Variants in POLRMT observed in about 807,000 individuals in gnomAD.
The protein encoded by POLRMT is DNA-directed RNA polymerase, mitochondrial.
Under a neutral mutation model 132.2 loss-of-function variants are expected in POLRMT, and 114 were observed. The observed-to-expected ratio is 0.86, with a 90% CI of 0.74 to 1.01. The LOEUF is 1.01. Ranked by LOEUF, POLRMT falls within the 50% of genes least tolerant of loss-of-function variation. POLRMT has a pLI of 0.00. For missense variants in POLRMT, 2,003 were observed against 1,729.1 expected (o/e 1.16, Z -2.81); for synonymous variants, 1,020 against 773.4 (o/e 1.32, Z -5.29).
chr19:626,898 C>CACACATATATATATAT (rs371959370), intron 3 of POLRMT, among the ~76,000 whole-genome samples: 3 of 146,702 alleles, frequency 2.0e-5, no homozygotes, highest in African/African-American at 7.6e-5. Context: ...CACACACACA[C>CACACATATATATATAT]ATATATATAT....
intron 13 of POLRMT, 44 bp from the exon 14 acceptor site, chr19:619,340 C>G: frequency 1.9e-6 from 3 of 1,576,328 alleles, no homozygotes; most frequent in Non-Finnish European, 2.6e-6. Context: ...GGGGCTGGCC[C>G]GTTCACGCCC....
chr19:629,437 G>A, intron 3 of POLRMT, 103 bp downstream of exon 3: 3 of 1,152,744 alleles, frequency 2.6e-6, no homozygotes, highest in South Asian at 2.7e-5. Flanking sequence ...AAAAAACAAA[G>A]GACTTGAACC....
At position 622,924 on chromosome 19, in the gene POLRMT, T is replaced by G; in HGVS notation, c.1352A>C (p.Glu451Ala). ...WEKALCRALR[E>A]TKNRLEREVY... ...CTCGCGCTCTAGGCGGTTCTTGGTC[T>G]CCCGCAGCGCCCGGCACAGTGCTTT... is the stretch of plus-strand genomic sequence containing the variant. Residue 451 changes from glutamate to alanine, a missense_variant, in exon 7 of 21, where the codon GAG becomes GCG. Coordinates refer to ENST00000588649, the MANE Select transcript of POLRMT (RefSeq NM_005035.4). 6.2e-7 allele frequency: 1 copy of G among 1,612,888 alleles called. No homozygotes were observed. Among genetic ancestry groups the G allele is most frequent in the Non-Finnish European group, 8.5e-7 (1 of 1,179,894 alleles).
chr19:618,668 A>G (rs949253594), intron 16 of POLRMT, 37 bp downstream of exon 16: 1 of 1,603,224 alleles, frequency 6.2e-7, no homozygotes, highest in Non-Finnish European at 8.5e-7. Flanking sequence ...TGCTCTCCAG[A>G]CCCCCGGCCA....
chr19:630,699 G>GCTGCCAC (rs1985351101), intron 2 of POLRMT, among the ~76,000 whole-genome samples: 2 of 152,010 alleles, frequency 1.3e-5, no homozygotes, highest in Non-Finnish European at 2.9e-5. Flanking sequence ...CCAGCTGGTG[G>GCTGCCAC]AGCTGCCACA....
At position 618,795 on chromosome 19, in the gene POLRMT, A is replaced by G. The variant is rs542932481; in HGVS notation, c.3268-35T>C. 2.1e-5 allele frequency: 33 copies of G among 1,567,226 alleles called. No individual in the cohort carries two copies. In the African/African-American group the frequency reaches 3.7e-4, roughly 17 times the overall value. ...GGAAGGGGCCGGTGAGTCCCACCCG[A>G]GGCCCAGCACGGTGGTGGTACATTG... On this transcript the variant is annotated intron_variant, in intron 15 of 20. Transcript: ENST00000588649.
chr19:620,459 T>TC lies in POLRMT; in HGVS notation c.2668dup (p.Glu890GlyfsTer79). The TC allele has an allele frequency of 6.2e-7, 1 of 1,600,076 alleles. No individual in the cohort carries two copies. Among genetic ancestry groups the TC allele is most frequent in the Non-Finnish European group, 8.5e-7 (1 of 1,173,140 alleles). On this transcript the variant is annotated frameshift_variant, in exon 11 of 21. Transcript: ENST00000588649. LOFTEE classifies it high-confidence loss of function. The stretch of plus-strand genomic sequence containing the variant: ...ACAGCAGGCCAGCGTCTGCCAGGGT[T>TC]CCTCCGCGCCCATCCACCACTTTCG...
chr19:631,039 G>T (rs958625413), intron 2 of POLRMT, among the ~76,000 whole-genome samples: 1 of 151,954 alleles, frequency 6.6e-6, no homozygotes, highest in Non-Finnish European at 1.5e-5. Context: ...TGTGTCTATA[G>T]TACCAGCTAC....
rs757788612 is a variant in POLRMT at position 617,226 on chromosome 19, G to A, written c.*48C>T. 7 of 1,601,564 alleles carry A rather than the reference G, an allele frequency of 4.4e-6. No homozygotes were observed. Among genetic ancestry groups the A allele is most frequent in the African/African-American group, 2.7e-5 (2 of 74,840 alleles). On this transcript the variant is annotated 3_prime_UTR_variant, in exon 21 of 21. Coordinates refer to ENST00000588649, the MANE Select transcript of POLRMT (RefSeq NM_005035.4). ...CCCTTCCTGAAGACAGTGGCTCCTG[G>A]GGGTGGCAAAAGAGCTTTATTTACA... is the stretch of plus-strand genomic sequence containing the variant.
rs1327164381 is a variant in POLRMT at position 633,528 on chromosome 19, A to T, written c.-16T>A. ...GTGCCGACATTACGCACGCCGCTCC[A>T]GGCCACCCCACCGGCCCGCGCCTGC... On this transcript the variant is annotated 5_prime_UTR_variant, in exon 1 of 21. Coordinates refer to ENST00000588649, the MANE Select transcript of POLRMT (RefSeq NM_005035.4). 7 of 707,504 alleles carry T rather than the reference A, an allele frequency of 9.9e-6. No homozygotes were observed. In the Admixed American group the frequency reaches 1.1e-4, roughly 11 times the overall value. 43.8% of individuals were successfully genotyped at this position (707,504 alleles called of 1,614,324 possible).
Position 632,996 on chromosome 19 carries a change from A to G in POLRMT, c.89-58T>C, listed in dbSNP as rs1051839106. ...CGGGCGTGTGGGCGGGGGCCTCCAT[A>G]AAGGCAGAAGCCGAAGGGTCGAAGG... On this transcript the variant is annotated intron_variant, in intron 1 of 20. Coordinates refer to ENST00000588649, the MANE Select transcript of POLRMT (RefSeq NM_005035.4). The G allele has an allele frequency of 2.3e-6, 3 of 1,277,706 alleles. No individual in the cohort carries two copies. The South Asian group carries it at 4.5e-5, about 19-fold the overall frequency. 79.1% of individuals were successfully genotyped at this position (1,277,706 alleles called of 1,614,324 possible). A position where few individuals can be genotyped will look rare whatever the true frequency, so the allele number is the denominator to read the frequency against.
Position 629,521 on chromosome 19 carries a change from G to A in POLRMT, c.822+19C>T, listed in dbSNP as rs779510828. 16 of 1,489,128 alleles carry A rather than the reference G, an allele frequency of 1.1e-5. No individual in the cohort carries two copies. The highest frequency in any genetic ancestry group is 4.8e-5 in the East Asian group (2 of 41,468). The allele number at this position is 1,489,128 out of a possible 1,614,324, so 92.2% of individuals were successfully genotyped here. The stretch of plus-strand genomic sequence containing the variant: ...CTCCAACGACCAGGGCAGGTGGCCC[G>A]GCTCCCGGCTGCACTCACCTGCCGC... On this transcript the variant is annotated intron_variant, in intron 3 of 20. Transcript: ENST00000588649.
intron 11 of POLRMT, 45 bp downstream of exon 11, chr19:620,320 C>A (rs957730182): frequency 5.3e-6 from 8 of 1,515,360 alleles, no homozygotes; most frequent in Non-Finnish European, 7.1e-6. Flanking sequence ...GCCCCAGGCC[C>A]AGTGCACACT....
In POLRMT at chr19:620,066, G is replaced by A. The variant is rs377514235; in HGVS notation, c.2778C>T (p.Asn926=). 7.1e-6 allele frequency: 11 copies of A among 1,544,442 alleles called. No individual in the cohort carries two copies. The highest frequency in any genetic ancestry group is 2.4e-5 in the South Asian group (2 of 84,886). ...HLPVHQDGSC[N]GLQHYAALGR... is the part of the protein sequence containing the mutation. The stretch of plus-strand genomic sequence containing the variant: ...CCAGAGCAGCATAATGCTGCAGGCC[G>A]TTGCAAGAGCCGTCCTGAGGAAGGG... The change falls in exon 12 of 21, where the codon AAC becomes AAT. Residue 926 remains asparagine, a synonymous_variant. Coordinates refer to ENST00000588649, the MANE Select transcript of POLRMT (RefSeq NM_005035.4).
Position 620,488 on chromosome 19 carries a change from C to G in POLRMT, c.2641-1G>C, listed in dbSNP as rs778201827. On this transcript the variant is annotated splice_acceptor_variant, in intron 10 of 20. Coordinates refer to ENST00000588649, the MANE Select transcript of POLRMT (RefSeq NM_005035.4). LOFTEE classifies it high-confidence loss of function. ...CCGCGCCCATCCACCACTTTCGGCC[C>G]TGCGGGGACAGCGGATGGGGGGCAG... 81 of 1,580,144 alleles carry G rather than the reference C, an allele frequency of 5.1e-5. No homozygotes were observed. The highest frequency in any genetic ancestry group is 6.3e-5 in the Non-Finnish European group (73 of 1,161,830).
Position 633,461 on chromosome 19 carries a change from G to A in POLRMT, c.52C>T (p.Arg18Trp). The A allele has an allele frequency of 6.4e-7, 1 of 1,564,128 alleles. No individual in the cohort carries two copies. The highest frequency in any genetic ancestry group is 2.1e-4 in the Middle Eastern group (1 of 4,810). ...GGGAGTCCCGGGCGGCCGCAAGGCC[G>A]TAGGGCTCGTTTGAGCCCCGCCGCT... ...RGAAGLKRAL[R>W]PCGRPGLPGK... The change falls in exon 1 of 21, where the codon CGG becomes TGG. Residue 18 changes from arginine to tryptophan, a missense_variant. Physicochemically the swap from Arg to Trp is moderately radical, Grantham distance 101 (BLOSUM62 -3). Coordinates refer to ENST00000588649, the MANE Select transcript of POLRMT (RefSeq NM_005035.4).
In POLRMT at chr19:625,111, C is replaced by T. The variant is rs780274394; in HGVS notation, c.953+13G>A. The T allele has an allele frequency of 9.9e-6, 16 of 1,609,058 alleles. 1 individual carries two copies. The highest frequency in any genetic ancestry group is 4.4e-5 in the South Asian group (4 of 90,428). ...ACATGGTGGGGGGTGGGGGCCCTCCCGACACCACCTACCTTTCGATGGTCC... is the reference window on the plus strand; with the variant it reads ...ACATGGTGGGGGGTGGGGGCCCTCCTGACACCACCTACCTTTCGATGGTCC... On this transcript the variant is annotated intron_variant, in intron 4 of 20. Coordinates refer to ENST00000588649, the MANE Select transcript of POLRMT (RefSeq NM_005035.4).
At chr19:622,508 C>T in intron 8 of POLRMT, 74 bp downstream of exon 8, 2 of 1,497,574 alleles carry the variant, frequency 1.3e-6, no homozygotes, top group Non-Finnish European at 8.9e-7. Flanking sequence ...GGGTGCAAAC[C>T]CGGCTGCTCC....
intron 8 of POLRMT, 72 bp downstream of exon 8, chr19:622,510 G>A (rs938749441): frequency 7.3e-6 from 11 of 1,500,244 alleles, no homozygotes; most frequent in East Asian, 2.4e-5. Context: ...GTGCAAACCC[G>A]GCTGCTCCAG....
Sources: allele counts gnomAD v4.1 joint callset (sites outside exome capture counted in the v4.1 genomes callset), GRCh38; gene constraint gnomAD v4.1.1; transcripts MANE v1.5; gene names NCBI Gene and HGNC (gene_info 2026-07-23, HGNC 2026-07-21).